UPRT: variants seen among roughly 807,000 people sequenced by gnomAD.
UPRT encodes RP11-311P8.3.
UPRT carries 5 observed loss-of-function variants against 22.6 expected under a neutral mutation model. The observed-to-expected ratio is 0.22, with a 90% CI of 0.12 to 0.47. The LOEUF (loss-of-function observed/expected upper bound fraction) is 0.47, where lower values mean the gene tolerates loss of function less well. UPRT is among the 20% of genes least tolerant of loss of function. UPRT has a pLI of 0.99. For missense variants in UPRT, 181 were observed against 239.9 expected (o/e 0.75, Z 1.62); for synonymous variants, 77 against 87.7 (o/e 0.88, Z 0.68).
chrX:75,188,235 T>C (rs927557218), intron 4 of UPRT, among the ~76,000 whole-genome samples: 3 of 111,856 alleles, frequency 2.7e-5, no homozygotes, highest in African/African-American at 9.8e-5. Flanking sequence ...CAATTTTCCT[T>C]TCAACAGACA....
At chrX:75,263,576 C>T (rs925670644) in intron 4 of UPRT, among the ~76,000 whole-genome samples, 4 of 111,170 alleles carry the variant, frequency 3.6e-5, no homozygotes, top group African/African-American at 1.3e-4. Context: ...TATCCTTTAT[C>T]ATTTTTTTGC....
chrX:75,272,319 T>TATATATGTATATATATATAC (rs369391024), upstream of UPRT, among the ~76,000 whole-genome samples: 23 of 88,334 alleles, frequency 2.6e-4, no homozygotes, highest in African/African-American at 1.0e-3. Flanking sequence ...TGTGTATATA[T>TATATATGTATATATATATAC]ACATATATAT....
chrX:75,253,703 A>AT (rs1243310109), intron 4 of UPRT, among the ~76,000 whole-genome samples: 1 of 111,958 alleles, frequency 8.9e-6, no homozygotes, highest in Non-Finnish European at 1.9e-5. Flanking sequence ...AAGGAAGCAG[A>AT]TTGCCCCTGC....
chrX:75,205,257 C>G (rs2082361279), intron 4 of UPRT, among the ~76,000 whole-genome samples: 1 of 108,968 alleles, frequency 9.2e-6, no homozygotes. Context: ...GTAGTCCCGG[C>G]TACTCGGGAG....
intron 4 of UPRT, among the ~76,000 whole-genome samples, chrX:75,186,477 G>A (rs1041489617): frequency 2.7e-5 from 3 of 111,677 alleles, no homozygotes; most frequent in Non-Finnish European, 5.6e-5. Flanking sequence ...GTGGTGTGGT[G>A]CTGAAAAAAA....
At chrX:75,249,627 C>T (rs1416619681) in intron 4 of UPRT, among the ~76,000 whole-genome samples, 4 of 110,997 alleles carry the variant, frequency 3.6e-5, no homozygotes, top group East Asian at 2.8e-4. Context: ...TCTAACACCC[C>T]ACTGTCAACA....
intron 4 of UPRT, among the ~76,000 whole-genome samples, chrX:75,207,259 T>A (rs1180099712): frequency 8.9e-6 from 1 of 112,396 alleles, no homozygotes. Context: ...GGGACCTGGT[T>A]AGGGCAACTA....
At chrX:75,299,614 A>T in intron 4 of UPRT, 121 bp from the exon 5 acceptor site, 7 of 777,021 alleles carry the variant, frequency 9.0e-6, no homozygotes, top group Non-Finnish European at 1.2e-5. Flanking sequence ...CAGCTTCAAA[A>T]TAATTATTTT....
intron 4 of UPRT, among the ~76,000 whole-genome samples, chrX:75,267,272 T>C (rs2147675198): frequency 8.9e-6 from 1 of 111,985 alleles, no homozygotes; most frequent in East Asian, 2.8e-4. Flanking sequence ...TCATGACCTT[T>C]GTAGGGACAC....
intron 4 of UPRT, among the ~76,000 whole-genome samples, chrX:75,230,381 C>A (rs192399166): frequency 9.0e-6 from 1 of 111,145 alleles, no homozygotes; most frequent in African/African-American, 3.3e-5. Context: ...TATGGCCCCA[C>A]CCATCAACAA....
chrX:75,211,887 G>C (rs1421723464), intron 4 of UPRT, among the ~76,000 whole-genome samples: 1 of 111,614 alleles, frequency 9.0e-6, no homozygotes, highest in African/African-American at 3.3e-5. Flanking sequence ...TGGGGGACCA[G>C]CTTAATGCCA....
chrX:75,214,276 G>A (rs762205141), intron 4 of UPRT, among the ~76,000 whole-genome samples: 4 of 112,530 alleles, frequency 3.6e-5, no homozygotes, highest in Middle Eastern at 4.2e-3. Flanking sequence ...TAGATGAATG[G>A]ATAAAGAAAA....
At chrX:75,254,848 A>G (rs892926053) in intron 4 of UPRT, among the ~76,000 whole-genome samples, 3 of 97,581 alleles carry the variant, frequency 3.1e-5, no homozygotes, top group Non-Finnish European at 6.0e-5. Context: ...CAATCTCGGC[A>G]CACTGCAAGC....
At chrX:75,188,745 G>A (rs910976275) in intron 4 of UPRT, among the ~76,000 whole-genome samples, 2 of 112,455 alleles carry the variant, frequency 1.8e-5, no homozygotes, top group African/African-American at 3.2e-5. Flanking sequence ...TTTTAAGCCC[G>A]TCGGAAAAGC....
intron 1 of UPRT, among the ~76,000 whole-genome samples, chrX:75,288,093 C>G (rs145096019): frequency 9.0e-6 from 1 of 110,922 alleles, no homozygotes; most frequent in Non-Finnish European, 1.9e-5. Flanking sequence ...GGATACATTC[C>G]TCGAAACAAA....
At chrX:75,203,949 C>T (rs372008396) in intron 4 of UPRT, among the ~76,000 whole-genome samples, 144 of 111,085 alleles carry the variant, frequency 1.3e-3, no homozygotes, top group African/African-American at 4.2e-3. Context: ...TGTTGATTAT[C>T]TGGTTGCTTC....
chrX:75,213,961 AC>A (rs1301368769), intron 4 of UPRT, among the ~76,000 whole-genome samples: 1 of 112,206 alleles, frequency 8.9e-6, no homozygotes, highest in Non-Finnish European at 1.9e-5. Flanking sequence ...AATCAATATC[AC>A]CATTAATCAA....
chrX:75,175,814 G>A (rs1317880436), intron 4 of UPRT, among the ~76,000 whole-genome samples: 3 of 111,434 alleles, frequency 2.7e-5, no homozygotes, highest in East Asian at 2.8e-4. Flanking sequence ...TCTCTCAACC[G>A]TTTGTCTGAG....
intron 4 of UPRT, among the ~76,000 whole-genome samples, chrX:75,174,387 G>C (rs2082240023): frequency 9.0e-6 from 1 of 111,577 alleles, no homozygotes; most frequent in Non-Finnish European, 1.9e-5. Context: ...ACCATCTGTA[G>C]CTTGATGGCC....
Sources: gnomAD v4.1 joint callset for allele counts (sites outside exome capture counted in the v4.1 genomes callset) on GRCh38, gnomAD v4.1.1 for gene constraint, MANE v1.5 for transcripts, NCBI Gene and HGNC (gene_info 2026-07-23, HGNC 2026-07-21) for gene names.